Variants in CTCF observed in about 807,000 individuals in gnomAD.
CTCF encodes the protein transcriptional repressor CTCF.
Under a neutral mutation model 72.3 loss-of-function variants are expected in CTCF, and 7 were observed. That is an observed-to-expected ratio of 0.10 (90% CI 0.06 to 0.18). The LOEUF (loss-of-function observed/expected upper bound fraction) is 0.18. CTCF is among the 10% of genes least tolerant of loss of function. The pLI is 1.00. For missense variants in CTCF, 516 were observed against 949.1 expected, an observed-to-expected ratio of 0.54 and a Z score of 6.00; for synonymous variants, 374 against 315.8, an observed-to-expected ratio of 1.18 and a Z score of -1.95.
intron 2 of CTCF, among the ~76,000 whole-genome samples, chr16:67,586,451 G>C (rs998304562): frequency 1.3e-5 from 2 of 151,654 alleles, no homozygotes; most frequent in African/African-American, 4.8e-5. Context: ...GCAGAGAATT[G>C]CTTGAACCCG....
In CTCF at chr16:67,627,231, G is replaced by A. The variant is rs143119911; in HGVS notation, c.1518+516G>A. On this transcript the variant is annotated intron_variant, in intron 8 of 11. Transcript: ENST00000264010. ...TAGGGCCGGGCGCGGTGGCTCGAGC[G>A]CCTGTAATCCCAGCACTTTGGGAGG... 586 of 151,922 alleles carry A rather than the reference G, an allele frequency of 3.9e-3. 7 individuals are homozygous for A. The highest frequency in any genetic ancestry group is 0.013 in the African/African-American group (530 of 41,378). The allele number at this position is 151,922 out of a possible 1,614,324, so 9.4% of individuals were successfully genotyped here. A position where few individuals can be genotyped will look rare whatever the true frequency, so the allele number is the denominator to read the frequency against.
At chr16:67,593,385 G>A (rs559916167) in intron 2 of CTCF, among the ~76,000 whole-genome samples, 1 of 152,128 alleles carries the variant, frequency 6.6e-6, no homozygotes, top group Admixed American at 6.6e-5. Flanking sequence ...CTATTGTTAT[G>A]TTTATGTCCA....
rs77120468 is a variant in CTCF at position 67,629,746 on chromosome 16, C to T, written c.1837+213C>T. Among the ~76,000 whole-genome samples, 2,843 of 63,348 alleles carry T rather than the reference C, an allele frequency of 0.045. 59 individuals are homozygous for T. The highest frequency in any genetic ancestry group is 0.06 in the Non-Finnish European group (2,042 of 34,116). 41.6% of individuals were successfully genotyped at this position (63,348 alleles called of 152,430 possible). A position where few individuals can be genotyped will look rare whatever the true frequency, so the allele number is the denominator to read the frequency against. On this transcript the variant is annotated intron_variant, in intron 10 of 11. Transcript: ENST00000264010. Reference sequence around the variant, plus strand: ...TCGTGGCATTCCGCTCATTAATGCCCTTTTTTTTTTTTTTTTTTTTTTTTT... The same window carrying T: ...TCGTGGCATTCCGCTCATTAATGCCTTTTTTTTTTTTTTTTTTTTTTTTTT...
chr16:67,639,099 A>G lies in CTCF; in HGVS notation c.*1227A>G. 1 of 199,710 alleles carries G rather than the reference A, an allele frequency of 5.0e-6. No individual in the cohort carries two copies. 12.4% of individuals were successfully genotyped at this position (199,710 alleles called of 1,614,324 possible). A position where few individuals can be genotyped will look rare whatever the true frequency, so the allele number is the denominator to read the frequency against. On this transcript the variant is annotated 3_prime_UTR_variant, in exon 12 of 12. Coordinates refer to ENST00000264010, the MANE Select transcript of CTCF (RefSeq NM_006565.4). The stretch of plus-strand genomic sequence containing the variant: ...GGACGCCAACATGAGACCTGTAATA[A>G]AATATGTAATGGGGTTGAAAGCTGG...
chr16:67,617,014 C>T (rs955257535), intron 5 of CTCF, 136 bp downstream of exon 5: 1 of 827,326 alleles, frequency 1.2e-6, no homozygotes, highest in African/African-American at 1.7e-5. Context: ...TCCCACACAA[C>T]ACCGCTCCCC....
chr16:67,629,039 A>G (rs2052328066), intron 9 of CTCF, among the ~76,000 whole-genome samples: 1 of 151,770 alleles, frequency 6.6e-6, no homozygotes, highest in South Asian at 2.1e-4. Flanking sequence ...GCGAAAGAGC[A>G]AGACTCCGTC....
At chr16:67,628,255 G>A in intron 8 of CTCF, 115 bp from the exon 9 acceptor site, 1 of 841,628 alleles carries the variant, frequency 1.2e-6, no homozygotes, top group Non-Finnish European at 1.9e-6. Context: ...CAAGCCGTGT[G>A]GAGTCTAGAC....
chr16:67,589,117 C>A (rs1188579970), intron 2 of CTCF, among the ~76,000 whole-genome samples: 1 of 152,042 alleles, frequency 6.6e-6, no homozygotes, highest in Non-Finnish European at 1.5e-5. Flanking sequence ...CAAAGCAAGA[C>A]CCCACCTCTA....
At position 67,629,337 on chromosome 16, in the gene CTCF, A is replaced by T. The variant is rs1443530037; in HGVS notation, c.1702-61A>T. On this transcript the variant is annotated intron_variant, in intron 9 of 11. Transcript: ENST00000264010. ...AATATGGATTTTATTAAAGTAAATAACTTCCAATCTGATCTTAGCTTTTTT... is the reference window on the plus strand; with the variant it reads ...AATATGGATTTTATTAAAGTAAATATCTTCCAATCTGATCTTAGCTTTTTT... The T allele has an allele frequency of 6.0e-6, 9 of 1,494,352 alleles. No individual in the cohort carries two copies. In the Admixed American group the frequency reaches 1.7e-4, roughly 28 times the overall value. 92.6% of individuals were successfully genotyped at this position (1,494,352 alleles called of 1,614,324 possible). A position where few individuals can be genotyped will look rare whatever the true frequency, so the allele number is the denominator to read the frequency against.
At chr16:67,580,804 C>T (rs1186428483) in intron 2 of CTCF, among the ~76,000 whole-genome samples, 2 of 132,178 alleles carry the variant, frequency 1.5e-5, no homozygotes, top group East Asian at 4.1e-4. Flanking sequence ...TTAGTAGAGA[C>T]AGGGATTCAC....
At chr16:67,567,353 A>C (rs1213982486) in intron 1 of CTCF, among the ~76,000 whole-genome samples, 1 of 152,192 alleles carries the variant, frequency 6.6e-6, no homozygotes, top group East Asian at 1.9e-4. Context: ...TCAGGGGTAG[A>C]AAATTTCATT....
chr16:67,597,661 C>T (rs991899109), intron 2 of CTCF, among the ~76,000 whole-genome samples: 32 of 152,130 alleles, frequency 2.1e-4, no homozygotes, highest in African/African-American at 6.3e-4. Context: ...TTGTTTCATA[C>T]AACAGATACA....
At chr16:67,612,984 G>A (rs908313962) in intron 4 of CTCF, among the ~76,000 whole-genome samples, 1 of 152,198 alleles carries the variant, frequency 6.6e-6, no homozygotes, top group African/African-American at 2.4e-5. Flanking sequence ...TCACGTCAAG[G>A]AAGATAATTC....
At chr16:67,584,418 G>A (rs537901473) in intron 2 of CTCF, among the ~76,000 whole-genome samples, 7 of 127,346 alleles carry the variant, frequency 5.5e-5, no homozygotes, top group South Asian at 2.7e-4. Context: ...TCGGCTCACC[G>A]CAACCTCTGC....
chr16:67,579,746 T>C (rs2051555183), intron 2 of CTCF, among the ~76,000 whole-genome samples: 1 of 152,184 alleles, frequency 6.6e-6, no homozygotes, highest in East Asian at 1.9e-4. Flanking sequence ...GATAGCCTTC[T>C]TATATACACA....
chr16:67,624,659 C>T (rs1350879050), intron 7 of CTCF, among the ~76,000 whole-genome samples: 18 of 151,892 alleles, frequency 1.2e-4, no homozygotes, highest in Admixed American at 1.2e-3. Flanking sequence ...GTGGCTCAGT[C>T]TTGGCTCACT....
At chr16:67,624,508 G>C (rs753341656) in intron 7 of CTCF, among the ~76,000 whole-genome samples, 1 of 152,000 alleles carries the variant, frequency 6.6e-6, no homozygotes, top group Non-Finnish European at 1.5e-5. Flanking sequence ...AATCCTGTTG[G>C]TTTTCTTCTT....
intron 2 of CTCF, among the ~76,000 whole-genome samples, chr16:67,578,109 A>G (rs969468720): frequency 2.0e-5 from 3 of 152,268 alleles, no homozygotes; most frequent in East Asian, 1.9e-4. Flanking sequence ...TAAACAAAAT[A>G]TAATTGTGCT....
chr16:67,616,427 A>G (rs1307460451), intron 4 of CTCF: 1 of 246,526 alleles, frequency 4.1e-6, no homozygotes, highest in East Asian at 8.7e-5. Flanking sequence ...CCCGGTCTCT[A>G]TTAACTTTTA....
Sources: allele counts gnomAD v4.1 joint callset (sites outside exome capture counted in the v4.1 genomes callset), GRCh38; gene constraint gnomAD v4.1.1; transcripts MANE v1.5; gene names NCBI Gene and HGNC (gene_info 2026-07-23, HGNC 2026-07-21).